The following DOCK1 variants were observed in gnomAD, a reference collection of about 807,000 sequenced individuals.
DOCK1 encodes dedicator of cytokinesis 1.
In DOCK1, 138 loss-of-function variants were observed where a neutral mutation model predicts 262.7. The observed-to-expected ratio is 0.53, with a 90% CI of 0.46 to 0.61. The LOEUF (loss-of-function observed/expected upper bound fraction) is 0.61. DOCK1 is among the 20% of genes least tolerant of loss of function. The pLI, the probability that DOCK1 is intolerant of heterozygous loss-of-function variation, is 0.00. For missense variants in DOCK1, 1,908 were observed against 2,370.7 expected, an observed-to-expected ratio of 0.80 and a Z score of 4.05; for synonymous variants, 866 against 867.4, an observed-to-expected ratio of 1.00 and a Z score of 0.03.
intron 44 of DOCK1, 135 bp downstream of exon 44, chr10:127,415,373 A>C: frequency 5.5e-6 from 4 of 720,730 alleles, no homozygotes; most frequent in Non-Finnish European, 2.3e-6. Context: ...TCCCATAACC[A>C]CCCCACCTGT....
At chr10:127,408,545 G>A (rs1019295091) in intron 40 of DOCK1, among the ~76,000 whole-genome samples, 2 of 152,230 alleles carry the variant, frequency 1.3e-5, no homozygotes, top group African/African-American at 4.8e-5. Context: ...CCGTGTGCAG[G>A]TGCTGGGGCC....
In DOCK1 at chr10:127,437,622, G is replaced by A. The variant is rs990256549; in HGVS notation, c.5061-1405G>A. On this transcript the variant is annotated intron_variant, in intron 48 of 51. Transcript: ENST00000623213. This position sits in a 1 kb window ranked among gnomAD's most constrained non-coding sequence, Gnocchi z 4.4. ...GCCTCCTGAGTAGCTGGGACTATAG[G>A]TGCACACCACCATGCCCAGCTAATT... Among the ~76,000 whole-genome samples, 5 of 152,084 alleles carry A rather than the reference G, an allele frequency of 3.3e-5. No homozygotes were observed. The highest frequency in any genetic ancestry group is 7.4e-5 in the Non-Finnish European group (5 of 68,018).
chr10:127,374,466 G>A lies in DOCK1; in HGVS notation c.3675+252G>A, dbSNP rs74855528. ...TTGTCGTTGTGAATGATGACTCACCGTATCTTGCAGCCAGGGTAGTGCCTC... is the reference window on the plus strand; with the variant it reads ...TTGTCGTTGTGAATGATGACTCACCATATCTTGCAGCCAGGGTAGTGCCTC... On this transcript the variant is annotated intron_variant, in intron 35 of 51. Transcript: ENST00000623213. Among the ~76,000 whole-genome samples, 24 of 152,238 alleles carry A rather than the reference G, an allele frequency of 1.6e-4. No individual in the cohort carries two copies. In the East Asian group the frequency reaches 4.6e-3, roughly 29 times the overall value.
chr10:127,425,930 G>A lies in DOCK1; in HGVS notation c.4833G>A (p.Leu1611=), dbSNP rs1361580458. The part of the protein sequence containing the change: ...RIHGDKVTEA[L]RPFHERMEAC... ...ATGGAGACAAAGTCACGGAGGCACT[G>A]AGGCCGTTCCACGAGAGGATGGAGG... The change falls in exon 47 of 52, where the codon CTG becomes CTA. Residue 1611 remains leucine (L), a synonymous_variant. Transcript: ENST00000623213. 1 of 1,614,050 alleles carries A rather than the reference G, an allele frequency of 6.2e-7. No individual in the cohort carries two copies. The highest frequency in any genetic ancestry group is 1.3e-5 in the African/African-American group (1 of 75,064).
intron 19 of DOCK1, 73 bp from the exon 20 acceptor site, chr10:127,042,552 A>T: frequency 7.6e-7 from 1 of 1,318,850 alleles, no homozygotes; most frequent in Non-Finnish European, 1.1e-6. Context: ...TACTGCAGAG[A>T]TGATAGTTAT....
intron 29 of DOCK1, among the ~76,000 whole-genome samples, chr10:127,295,857 G>C (rs1301250220): frequency 6.6e-6 from 1 of 152,200 alleles, no homozygotes; most frequent in African/African-American, 2.4e-5. Context: ...GGTGATGGGT[G>C]TAACTAGAGT....
At chr10:127,442,027 G>A (rs1327192573) in intron 49 of DOCK1, among the ~76,000 whole-genome samples, 2 of 152,022 alleles carry the variant, frequency 1.3e-5, no homozygotes, top group African/African-American at 2.4e-5. Flanking sequence ...CGCTTCACCC[G>A]GCCTTTCCTG....
chr10:126,964,153 C>T (rs1039990446), intron 1 of DOCK1, among the ~76,000 whole-genome samples: 7 of 152,198 alleles, frequency 4.6e-5, no homozygotes, highest in Admixed American at 1.3e-4. Context: ...TTGCTATAAA[C>T]GGCTGGTCTC....
chr10:127,054,352 A>G (rs2135755198), intron 22 of DOCK1, among the ~76,000 whole-genome samples: 1 of 152,344 alleles, frequency 6.6e-6, no homozygotes, highest in African/African-American at 2.4e-5. Context: ...GTCCATGGTC[A>G]AAACCACAGT....
intron 38 of DOCK1, among the ~76,000 whole-genome samples, chr10:127,391,646 C>G (rs920270091): frequency 2.0e-5 from 3 of 152,040 alleles, no homozygotes; most frequent in Non-Finnish European, 4.4e-5. Flanking sequence ...CAGACTGGCT[C>G]TAAGATCTGC....
intron 6 of DOCK1, among the ~76,000 whole-genome samples, chr10:126,991,811 G>A (rs1472234073): frequency 6.6e-6 from 1 of 152,126 alleles, no homozygotes; most frequent in Non-Finnish European, 1.5e-5. Flanking sequence ...TTACATGCGA[G>A]AGCCACTGCT....
intron 32 of DOCK1, among the ~76,000 whole-genome samples, chr10:127,358,474 A>C (rs1590670151): frequency 1.3e-5 from 2 of 152,220 alleles, no homozygotes; most frequent in East Asian, 3.9e-4. Context: ...TCTGTGCAGC[A>C]GCCTGCCGGA....
intron 21 of DOCK1, among the ~76,000 whole-genome samples, chr10:127,048,731 G>A (rs1194333578): frequency 6.6e-6 from 1 of 152,178 alleles, no homozygotes; most frequent in East Asian, 1.9e-4. Context: ...TCAGAAACAG[G>A]TTTCCATCAC....
At chr10:127,441,691 A>AC (rs1320440372) in intron 49 of DOCK1, among the ~76,000 whole-genome samples, 113 of 139,230 alleles carry the variant, frequency 8.1e-4, no homozygotes, top group East Asian at 3.1e-3. Flanking sequence ...AACACCAGCC[A>AC]CCCCCCCACC....
At chr10:127,220,922 G>A (rs183638580) in intron 27 of DOCK1, among the ~76,000 whole-genome samples, 1 of 152,246 alleles carries the variant, frequency 6.6e-6, no homozygotes, top group Admixed American at 6.5e-5. Flanking sequence ...TCTCTATGCC[G>A]ATGCTTTCAG....
At chr10:126,948,694 C>T (rs1187894470) in intron 1 of DOCK1, among the ~76,000 whole-genome samples, 1 of 151,978 alleles carries the variant, frequency 6.6e-6, no homozygotes, top group Non-Finnish European at 1.5e-5. Context: ...ATCCTCACCT[C>T]TCGGAGCCTG....
chr10:127,279,404 C>T (rs2060862623), intron 29 of DOCK1, among the ~76,000 whole-genome samples: 1 of 152,174 alleles, frequency 6.6e-6, no homozygotes, highest in Non-Finnish European at 1.5e-5. Context: ...CACAAGGTCA[C>T]ATGGCTAATA....
At chr10:127,114,753 TTC>T (rs1491345200) in intron 25 of DOCK1, among the ~76,000 whole-genome samples, 57 of 116,782 alleles carry the variant, frequency 4.9e-4, no homozygotes, top group Non-Finnish European at 5.8e-4. Context: ...ATCCTTTTTT[TTC>T]TTTCTTTTTT....
chr10:126,919,243 T>C (rs998820804), intron 1 of DOCK1, among the ~76,000 whole-genome samples: 10 of 152,226 alleles, frequency 6.6e-5, no homozygotes, highest in Middle Eastern at 3.2e-3. Flanking sequence ...AAGGCACTTA[T>C]CAACCTCTTT....
Sources: gnomAD v4.1 joint callset for allele counts (sites outside exome capture counted in the v4.1 genomes callset) on GRCh38, gnomAD v4.1.1 for gene constraint, Gnocchi (gnomAD v3.1) non-coding constraint, MANE v1.5 for transcripts, NCBI Gene and HGNC (gene_info 2026-07-23, HGNC 2026-07-21) for gene names.